The following DTX1 variants were observed in gnomAD, a reference collection of about 807,000 sequenced individuals.
DTX1 encodes deltex E3 ubiquitin ligase 1.
DTX1 carries 26 observed loss-of-function variants against 57.8 expected under a neutral mutation model. That is an observed-to-expected ratio of 0.45 (90% CI 0.33 to 0.62). DTX1 has a LOEUF of 0.62. Among genes scored for constraint, DTX1 ranks in the 20% least tolerant of loss-of-function variants. The pLI, the probability that DTX1 is intolerant of heterozygous loss-of-function variation, is 0.02. For synonymous variants in DTX1, 398 were observed against 394.1 expected (o/e 1.01, Z -0.12); for missense variants, 704 against 895.3 (o/e 0.79, Z 2.73).
chr12:113,075,194 TG>T (rs1230654709), intron 2 of DTX1, among the ~76,000 whole-genome samples: 1 of 152,208 alleles, frequency 6.6e-6, no homozygotes, highest in African/African-American at 2.4e-5. Flanking sequence ...ATGAGAAAAC[TG>T]GGGCCCAGAG....
Position 113,094,114 on chromosome 12 carries a change from GGGGGGCTGGGGGAGGGCCCTGGCATGGA to G in DTX1, c.1227+22_1227+49del. 3 of 1,488,522 alleles carry G rather than the reference GGGGGGCTGGGGGAGGGCCCTGGCATGGA, an allele frequency of 2.0e-6. No homozygotes were observed. The highest frequency in any genetic ancestry group is 2.8e-6 in the Non-Finnish European group (3 of 1,087,688). 92.2% of individuals were successfully genotyped at this position (1,488,522 alleles called of 1,614,324 possible). A position where few individuals can be genotyped will look rare whatever the true frequency, so the allele number is the denominator to read the frequency against. ...CACCTGATGAGGTGAGGAGGGGATG[GGGGGGCTGGGGGAGGGCCCTGGCATGGA>G]GGGGGCAGGAACCCTCACCCCTCCT... On this transcript the variant is annotated intron_variant, in intron 6 of 9. Coordinates refer to ENST00000548759, the MANE Select transcript of DTX1 (RefSeq NM_004416.3).
chr12:113,095,980 G>C (rs1344071157), intron 9 of DTX1, among the ~76,000 whole-genome samples: 1 of 152,166 alleles, frequency 6.6e-6, no homozygotes, highest in Non-Finnish European at 1.5e-5. Context: ...GGCTAAGGCG[G>C]GCAGATCACG....
Position 113,093,300 on chromosome 12 carries a change from C to T in DTX1, c.1003+77C>T. 1 of 1,487,340 alleles carries T rather than the reference C, an allele frequency of 6.7e-7. No homozygotes were observed. Among genetic ancestry groups the T allele is most frequent in the Non-Finnish European group, 9.1e-7 (1 of 1,095,786 alleles). The allele number at this position is 1,487,340 out of a possible 1,614,324, so 92.1% of individuals were successfully genotyped here. Reference sequence around the variant, plus strand: ...CTCCGCCTGTCACCCGGTGACCCCGCCCCCGAGATGGGCTGGTGAGCGTGG... The same window carrying T: ...CTCCGCCTGTCACCCGGTGACCCCGTCCCCGAGATGGGCTGGTGAGCGTGG... On this transcript the variant is annotated intron_variant, in intron 4 of 9. Transcript: ENST00000548759. This position sits in a 1 kb window ranked among gnomAD's most constrained non-coding sequence, Gnocchi z 4.2.
intron 3 of DTX1, among the ~76,000 whole-genome samples, chr12:113,082,081 G>A (rs1042042574): frequency 1.5e-4 from 23 of 152,030 alleles, no homozygotes; most frequent in Admixed American, 4.6e-4. Flanking sequence ...GCCACATGCC[G>A]CTCCCCCACA....
intron 3 of DTX1, among the ~76,000 whole-genome samples, chr12:113,087,137 C>T (rs1441538512): frequency 1.3e-5 from 2 of 149,474 alleles, no homozygotes; most frequent in African/African-American, 2.6e-5. Flanking sequence ...AAGAGTGACC[C>T]CCGCAGCCCC....
chr12:113,087,256 A>C (rs1218182486), intron 3 of DTX1, among the ~76,000 whole-genome samples: 1 of 152,168 alleles, frequency 6.6e-6, no homozygotes, highest in Non-Finnish European at 1.5e-5. Flanking sequence ...AGGGGTCTAG[A>C]AGACAGAAGT....
At chr12:113,065,795 C>T (rs887747716) in intron 2 of DTX1, among the ~76,000 whole-genome samples, 6 of 147,466 alleles carry the variant, frequency 4.1e-5, no homozygotes, top group African/African-American at 1.3e-4. Context: ...GGGGCCAGGA[C>T]GGGGAGGCCA....
chr12:113,094,094 G>A lies in DTX1; in HGVS notation c.1222G>A (p.Asp408Asn), dbSNP rs1246927281. ...CATGCAGAAGGTGAAAAACCCACCT[G>A]ATGAGGTGAGGAGGGGATGGGGGGG... is the stretch of plus-strand genomic sequence containing the variant. ...RYMQKVKNPP[D>N]EDCTICMERL... Residue 408 changes from aspartate to asparagine, a missense_variant, in exon 6 of 10, where the codon GAT becomes AAT. By Grantham distance (23) the Asp-to-Asn change is conservative. Coordinates refer to ENST00000548759, the MANE Select transcript of DTX1 (RefSeq NM_004416.3). The A allele has an allele frequency of 2.2e-6, 2 of 897,624 alleles. No individual in the cohort carries two copies. Among genetic ancestry groups the A allele is most frequent in the Non-Finnish European group, 3.4e-6 (2 of 585,904 alleles). The allele number at this position is 897,624 out of a possible 1,614,324, so 55.6% of individuals were successfully genotyped here. A position where few individuals can be genotyped will look rare whatever the true frequency, so the allele number is the denominator to read the frequency against.
chr12:113,093,099 A>C lies in DTX1; in HGVS notation c.942-63A>C. On this transcript the variant is annotated intron_variant, in intron 3 of 9. Transcript: ENST00000548759. The surrounding 1 kb of genome is among the most constrained non-coding windows in gnomAD (Gnocchi z 4.2). ...AGGAGCCAGAGACAGAAGGCAAGCC[A>C]GGTCCCCTGACGTCGCTTCGGGGGC... 1 of 1,529,430 alleles carries C rather than the reference A, an allele frequency of 6.5e-7. No individual in the cohort carries two copies. Among genetic ancestry groups the C allele is most frequent in the Non-Finnish European group, 8.9e-7 (1 of 1,127,154 alleles). 94.7% of individuals were successfully genotyped at this position (1,529,430 alleles called of 1,614,324 possible).
Position 113,096,792 on chromosome 12 carries a change from G to A in DTX1, c.1716G>A (p.Ser572=), listed in dbSNP as rs568353243. ...TIGTSNTTGE[S]DTVVWNEIHH... is the part of the protein sequence containing the mutation. The stretch of plus-strand genomic sequence containing the variant: ...GCACGTCCAACACCACGGGCGAGTC[G>A]GACACCGTGGTGTGGAACGAGATCC... Residue 572 remains serine (S), a synonymous_variant, in exon 10 of 10, where the codon TCG becomes TCA. Coordinates refer to ENST00000548759, the MANE Select transcript of DTX1 (RefSeq NM_004416.3). 4.2e-5 allele frequency: 67 copies of A among 1,613,610 alleles called. 1 individual carries two copies. Among genetic ancestry groups the A allele is most frequent in the Admixed American group, 1.8e-4 (11 of 59,994 alleles).
chr12:113,072,844 C>T (rs2044746174), intron 2 of DTX1, among the ~76,000 whole-genome samples: 1 of 151,718 alleles, frequency 6.6e-6, no homozygotes, highest in South Asian at 2.1e-4. Flanking sequence ...ACTGGGATTA[C>T]AGGCACGTAC....
intron 3 of DTX1, among the ~76,000 whole-genome samples, chr12:113,083,065 T>G (rs995467029): frequency 6.6e-6 from 1 of 152,194 alleles, no homozygotes; most frequent in Non-Finnish European, 1.5e-5. Context: ...GGCTTGTAGA[T>G]TGCATCTTTT....
At chr12:113,064,797 G>A (rs1024732903) in intron 2 of DTX1, among the ~76,000 whole-genome samples, 1 of 152,222 alleles carries the variant, frequency 6.6e-6, no homozygotes, top group Non-Finnish European at 1.5e-5. Flanking sequence ...TCATGCTCGA[G>A]GAAGAAAAAG....
chr12:113,097,014 G>A lies in DTX1; in HGVS notation c.*75G>A, dbSNP rs1950309317. 8 of 1,471,704 alleles carry A rather than the reference G, an allele frequency of 5.4e-6. No individual in the cohort carries two copies. Among genetic ancestry groups the A allele is most frequent in the Admixed American group, 2.1e-5 (1 of 48,432 alleles). 91.2% of individuals were successfully genotyped at this position (1,471,704 alleles called of 1,614,324 possible). On this transcript the variant is annotated 3_prime_UTR_variant, in exon 10 of 10. Transcript: ENST00000548759. Reference sequence around the variant, plus strand: ...TGCCTCCTTCGCCAGGTGTGTCCTGGTAGCCCAGGTTCAGGGCTGGGGAGG... The same window carrying A: ...TGCCTCCTTCGCCAGGTGTGTCCTGATAGCCCAGGTTCAGGGCTGGGGAGG...
At chr12:113,079,963 T>G (rs948656549) in intron 3 of DTX1, among the ~76,000 whole-genome samples, 1 of 152,148 alleles carries the variant, frequency 6.6e-6, no homozygotes, top group Non-Finnish European at 1.5e-5. Context: ...TCCCACCATG[T>G]GAAAACGCTG....
intron 6 of DTX1, 56 bp from the exon 7 acceptor site, chr12:113,094,733 A>G (rs1194370266): frequency 6.3e-7 from 1 of 1,579,984 alleles, no homozygotes; most frequent in Non-Finnish European, 8.6e-7. Context: ...GGCAGTGCTG[A>G]CCCAGTAGGT....
In DTX1 at chr12:113,094,888, C is replaced by G. The variant is rs761584184; in HGVS notation, c.1327C>G (p.Arg443Gly). The G allele has an allele frequency of 6.2e-7, 1 of 1,613,570 alleles. No individual in the cohort carries two copies. Among genetic ancestry groups the G allele is most frequent in the Non-Finnish European group, 8.5e-7 (1 of 1,179,994 alleles). ...GCCTGAGCTCGTGGGCCGCCTGGGCCGCTGTGGCCACATGTACCACCTGCT... is the reference window on the plus strand; with the variant it reads ...GCCTGAGCTCGTGGGCCGCCTGGGCGGCTGTGGCCACATGTACCACCTGCT... Reference protein sequence around the residue: ...VRPELVGRLGRCGHMYHLLCL... With the variant: ...VRPELVGRLGGCGHMYHLLCL... Residue 443 changes from arginine to glycine, a missense_variant, in exon 7 of 10, where the codon CGC becomes GGC. Transcript: ENST00000548759.
chr12:113,072,703 T>TC (rs1181484566), intron 2 of DTX1, among the ~76,000 whole-genome samples: 1 of 139,836 alleles, frequency 7.2e-6, no homozygotes, highest in African/African-American at 2.8e-5. Flanking sequence ...TTTCTTTTTT[T>TC]TTTTTTTTTT....
intron 2 of DTX1, among the ~76,000 whole-genome samples, chr12:113,070,204 G>C (rs1176386560): frequency 2.0e-5 from 3 of 152,214 alleles, no homozygotes; most frequent in Non-Finnish European, 4.4e-5. Flanking sequence ...AACACAGCCT[G>C]GGGCAGAAAA....
Sources: allele counts gnomAD v4.1 joint callset (sites outside exome capture counted in the v4.1 genomes callset), GRCh38; gene constraint gnomAD v4.1.1; non-coding constraint Gnocchi (gnomAD v3.1); transcripts MANE v1.5; gene names NCBI Gene and HGNC (gene_info 2026-07-23, HGNC 2026-07-21).